SGCZ: variants seen among roughly 807,000 people sequenced by gnomAD.
SGCZ encodes zeta-sarcoglycan.
Under a neutral mutation model 41.3 loss-of-function variants are expected in SGCZ, and 40 were observed. The observed-to-expected ratio is 0.97, with a 90% CI of 0.75 to 1.26. The LOEUF (loss-of-function observed/expected upper bound fraction) is 1.26, where lower values mean the gene tolerates loss of function less well. Among genes scored for constraint, SGCZ ranks in the 50% most tolerant of loss-of-function variants. SGCZ has a pLI of 0.00. For missense variants in SGCZ, 552 were observed against 369.8 expected (o/e 1.49, Z -4.04); for synonymous variants, 206 against 137.5 (o/e 1.50, Z -3.49).
chr8:14,923,105 G>C (rs1306015736), intron 1 of SGCZ, among the ~76,000 whole-genome samples: 1 of 152,120 alleles, frequency 6.6e-6, no homozygotes, highest in East Asian at 1.9e-4. Context: ...TGTCTGCAAA[G>C]TCATCTCCTG....
At chr8:15,195,701 G>A (rs926988848) in intron 1 of SGCZ, among the ~76,000 whole-genome samples, 1 of 151,994 alleles carries the variant, frequency 6.6e-6, no homozygotes, top group African/African-American at 2.4e-5. Flanking sequence ...TTGCCATTTG[G>A]TATGTTCAAG....
chr8:14,834,616 T>C (rs564743690), intron 1 of SGCZ, among the ~76,000 whole-genome samples: 16 of 152,274 alleles, frequency 1.1e-4, no homozygotes, highest in South Asian at 1.0e-3. Flanking sequence ...CTGAAAACTA[T>C]TGGATGGCCT....
At chr8:14,480,396 T>C (rs1454431859) in intron 2 of SGCZ, among the ~76,000 whole-genome samples, 1 of 152,140 alleles carries the variant, frequency 6.6e-6, no homozygotes, top group East Asian at 1.9e-4. Context: ...ATTCTTCTCA[T>C]CCTTCTTTGC....
intron 1 of SGCZ, among the ~76,000 whole-genome samples, chr8:14,660,463 C>G (rs892775054): frequency 1.3e-5 from 2 of 148,706 alleles, no homozygotes; most frequent in African/African-American, 2.5e-5. Flanking sequence ...TCCCAACTAC[C>G]TGGGAGGGTG....
At chr8:14,499,365 A>G (rs553639145) in intron 2 of SGCZ, among the ~76,000 whole-genome samples, 1 of 152,046 alleles carries the variant, frequency 6.6e-6, no homozygotes, top group Non-Finnish European at 1.5e-5. Context: ...TTAGGACACA[A>G]CATAAATTTT....
chr8:14,954,419 C>G (rs1347083018), intron 1 of SGCZ, among the ~76,000 whole-genome samples: 1 of 152,158 alleles, frequency 6.6e-6, no homozygotes, highest in East Asian at 1.9e-4. Context: ...CCACTGGTTT[C>G]ATTTTCCTGG....
chr8:14,904,965 G>C (rs2130766692), intron 1 of SGCZ, among the ~76,000 whole-genome samples: 1 of 151,558 alleles, frequency 6.6e-6, no homozygotes, highest in East Asian at 1.9e-4. Flanking sequence ...ATGTATCTTT[G>C]TTATTATGAA....
intron 3 of SGCZ, among the ~76,000 whole-genome samples, chr8:14,271,824 G>A (rs1000456803): frequency 3.4e-4 from 52 of 152,050 alleles, no homozygotes; most frequent in African/African-American, 1.0e-3. Flanking sequence ...AGAAACAACT[G>A]AACAATTGCT....
intron 1 of SGCZ, among the ~76,000 whole-genome samples, chr8:14,614,953 TATC>T (rs1306795679): frequency 2.1e-4 from 32 of 152,012 alleles, no homozygotes; most frequent in African/African-American, 7.2e-4. Context: ...GATAAATACA[TATC>T]ATTTTATATA....
chr8:14,910,536 G>T (rs1056827233), intron 1 of SGCZ, among the ~76,000 whole-genome samples: 1 of 151,238 alleles, frequency 6.6e-6, no homozygotes, highest in African/African-American at 2.4e-5. Context: ...CAAAATTCTG[G>T]CTGGTATTGA....
At chr8:14,984,344 A>C (rs1801762027) in intron 1 of SGCZ, among the ~76,000 whole-genome samples, 1 of 152,210 alleles carries the variant, frequency 6.6e-6, no homozygotes, top group African/African-American at 2.4e-5. Flanking sequence ...TAGCATATCA[A>C]CAAATCACAA....
At chr8:15,183,526 AT>A (rs1457594667) in intron 1 of SGCZ, among the ~76,000 whole-genome samples, 1 of 152,114 alleles carries the variant, frequency 6.6e-6, no homozygotes, top group Non-Finnish European at 1.5e-5. Flanking sequence ...ATGTCATGTG[AT>A]CTTATATTGT....
At chr8:14,900,008 G>C (rs1798910744) in intron 1 of SGCZ, among the ~76,000 whole-genome samples, 1 of 152,062 alleles carries the variant, frequency 6.6e-6, no homozygotes, top group South Asian at 2.1e-4. Context: ...CATTCTCTGA[G>C]AGGAGACCTT....
At chr8:14,858,567 G>A (rs561643431) in intron 1 of SGCZ, among the ~76,000 whole-genome samples, 1 of 152,200 alleles carries the variant, frequency 6.6e-6, no homozygotes, top group Admixed American at 6.5e-5. Context: ...ATTCTTCTTT[G>A]ATATTACAAT....
chr8:15,096,610 C>G (rs1216529285), intron 1 of SGCZ, among the ~76,000 whole-genome samples: 1 of 152,104 alleles, frequency 6.6e-6, no homozygotes, highest in South Asian at 2.1e-4. Context: ...CTTATTTCTT[C>G]CCAGATAAAA....
chr8:14,985,591 T>C (rs918438845), intron 1 of SGCZ, among the ~76,000 whole-genome samples: 2 of 152,202 alleles, frequency 1.3e-5, no homozygotes, highest in Non-Finnish European at 2.9e-5. Context: ...GGATGTGTGC[T>C]TAATATATTC....
intron 1 of SGCZ, among the ~76,000 whole-genome samples, chr8:15,032,117 T>C (rs975967688): frequency 1.3e-5 from 2 of 152,036 alleles, no homozygotes; most frequent in Admixed American, 6.6e-5. Context: ...ATATATACAA[T>C]AGCATATATT....
intron 1 of SGCZ, among the ~76,000 whole-genome samples, chr8:15,098,828 G>A (rs1806487274): frequency 6.6e-6 from 1 of 152,214 alleles, no homozygotes; most frequent in Non-Finnish European, 1.5e-5. Flanking sequence ...GGAGGCCGAT[G>A]AGGGCGGATC....
At chr8:14,246,241 T>C (rs1352850695) in intron 3 of SGCZ, among the ~76,000 whole-genome samples, 1 of 152,126 alleles carries the variant, frequency 6.6e-6, no homozygotes, top group Non-Finnish European at 1.5e-5. Flanking sequence ...ATGTGGCACA[T>C]AGACACCATG....
Sources: gnomAD v4.1 joint callset for allele counts (sites outside exome capture counted in the v4.1 genomes callset) on GRCh38, gnomAD v4.1.1 for gene constraint, MANE v1.5 for transcripts, NCBI Gene and HGNC (gene_info 2026-07-23, HGNC 2026-07-21) for gene names.